Variants in PCDHGA6 observed in about 807,000 individuals in gnomAD.
PCDHGA6 encodes the protein protocadherin gamma-A6.
PCDHGA6 carries 41 observed loss-of-function variants against 60.6 expected under a neutral mutation model. That is an observed-to-expected ratio of 0.68 (90% CI 0.53 to 0.88). PCDHGA6 has a LOEUF of 0.88. PCDHGA6 is among the 40% of genes least tolerant of loss of function. The probability of loss-of-function intolerance (pLI) is 0.00; values close to 1 mark genes in which losing one functional copy is unlikely to be tolerated. For missense variants in PCDHGA6, 1,312 were observed against 1,203.0 expected (o/e 1.09, Z -1.34); for synonymous variants, 594 against 524.4 (o/e 1.13, Z -1.81).
intron 3 of PCDHGA6, 134 bp downstream of exon 3, chr5:141,505,615 C>T: frequency 2.0e-6 from 3 of 1,504,946 alleles, no homozygotes; most frequent in Non-Finnish European, 1.8e-6. Flanking sequence ...TCTGAAAGGA[C>T]CCACAATTCC....
chr5:141,500,277 C>T (rs1595660442), intron 2 of PCDHGA6, among the ~76,000 whole-genome samples: 1 of 151,718 alleles, frequency 6.6e-6, no homozygotes, highest in Non-Finnish European at 1.5e-5. Context: ...GGCGCAATCT[C>T]GGCTCACTGC....
intron 1 of PCDHGA6, among the ~76,000 whole-genome samples, chr5:141,458,112 A>C (rs2098937913): frequency 6.6e-6 from 1 of 152,208 alleles, no homozygotes; most frequent in Non-Finnish European, 1.5e-5. Context: ...ATAGTCTCCA[A>C]ATTTTAGAGG....
intron 1 of PCDHGA6, chr5:141,389,158 G>A (rs774342496): frequency 5.0e-6 from 8 of 1,613,850 alleles, no homozygotes; most frequent in African/African-American, 2.7e-5. Context: ...GCAACAGATC[G>A]GGGCAAGCCT....
At chr5:141,383,932 C>G in intron 1 of PCDHGA6, 3 of 1,613,794 alleles carry the variant, frequency 1.9e-6, no homozygotes, top group Non-Finnish European at 2.5e-6. Flanking sequence ...TGATAATGCT[C>G]CAGAAGTGAC....
In PCDHGA6 at chr5:141,374,957, TTC is replaced by T. The variant is rs1770979960; in HGVS notation, c.876_877del (p.Phe292LeufsTer18). On this transcript the variant is annotated frameshift_variant, in exon 1 of 4. Coordinates refer to ENST00000517434, the MANE Select transcript of PCDHGA6 (RefSeq NM_018919.3). LOFTEE classifies it high-confidence loss of function. Reference sequence around the variant, plus strand: ...GATTACAGAAAAGATCTCACAAATTTTCTGTTTGAATGTTTTGACTGGAGAAA... The same window carrying T: ...GATTACAGAAAAGATCTCACAAATTTTGTTTGAATGTTTTGACTGGAGAAA... ...VKITEKISQI[F>X]CLNVLTGEIS... The T allele has an allele frequency of 6.2e-7, 1 of 1,613,926 alleles. No homozygotes were observed. Among genetic ancestry groups the T allele is most frequent in the Non-Finnish European group, 8.5e-7 (1 of 1,179,908 alleles).
At chr5:141,393,337 A>G (rs556749112) in intron 1 of PCDHGA6, 28 of 1,613,772 alleles carry the variant, frequency 1.7e-5, no homozygotes, top group African/African-American at 5.3e-5. Flanking sequence ...CTCAGCCCCA[A>G]TCACCACTTC....
chr5:141,418,694 TATTCC>T, intron 1 of PCDHGA6: 2 of 1,614,044 alleles, frequency 1.2e-6, no homozygotes, highest in Non-Finnish European at 1.7e-6. Flanking sequence ...AGAGATCACT[TATTCC>T]TTCTTTGGTG....
At chr5:141,419,797 A>G (rs371201079) in intron 1 of PCDHGA6, 14 of 1,613,920 alleles carry the variant, frequency 8.7e-6, no homozygotes, top group Non-Finnish European at 1.1e-5. Flanking sequence ...TAGTCGCTGT[A>G]AGAGATGGAG....
chr5:141,460,848 C>T lies in PCDHGA6; in HGVS notation c.2425-33959C>T, dbSNP rs528601988. Among the ~76,000 whole-genome samples, 257 of 150,340 alleles carry T rather than the reference C, an allele frequency of 1.7e-3. 1 individual carries two copies. The highest frequency in any genetic ancestry group is 4.2e-3 in the Admixed American group (62 of 14,868). ...ACACTTAAAGTAATGGCCTCCAGTT[C>T]GATCCAAGTTGCTGCAAAGGACATT... is the stretch of plus-strand genomic sequence containing the variant. On this transcript the variant is annotated intron_variant, in intron 1 of 3. Transcript: ENST00000517434.
At chr5:141,510,658 A>G (rs1162885805) in intron 3 of PCDHGA6, among the ~76,000 whole-genome samples, 1 of 152,178 alleles carries the variant, frequency 6.6e-6, no homozygotes, top group African/African-American at 2.4e-5. Context: ...CATTTTGCAG[A>G]TGAGAAAACT....
Position 141,496,888 on chromosome 5 carries a change from TA to T in PCDHGA6, c.2483+2038del, listed in dbSNP as rs35063790. 4.6e-3 allele frequency among the ~76,000 whole-genome samples: 621 copies of T among 133,932 alleles called. 1 individual carries two copies. Among genetic ancestry groups the T allele is most frequent in the Middle Eastern group, 0.011 (3 of 270 alleles). 87.9% of individuals were successfully genotyped at this position (133,932 alleles called of 152,430 possible). ...CTGAAAATTTGCAACAAGTAACACT[TA>T]AAAAAAAAAAAAAAGGCTGGGCACT... On this transcript the variant is annotated intron_variant, in intron 2 of 3. Coordinates refer to ENST00000517434, the MANE Select transcript of PCDHGA6 (RefSeq NM_018919.3).
At chr5:141,408,857 G>A (rs372861749) in intron 1 of PCDHGA6, 4 of 1,613,542 alleles carry the variant, frequency 2.5e-6, no homozygotes, top group Non-Finnish European at 3.4e-6. Flanking sequence ...GGACGGAGGG[G>A]ACCCACCAAG....
In PCDHGA6 at chr5:141,375,006, A is replaced by G. The variant is rs774947515; in HGVS notation, c.923A>G (p.Asp308Gly). 25 of 1,613,884 alleles carry G rather than the reference A, an allele frequency of 1.5e-5. No homozygotes were observed. Among genetic ancestry groups the G allele is most frequent in the Non-Finnish European group, 1.8e-5 (21 of 1,179,900 alleles). ...TGEISTSANL[D>G]YEDSSFYELG... ...GAAATTTCAACTTCTGCAAATCTAG[A>G]CTATGAGGACTCGAGTTTTTATGAG... Residue 308 changes from aspartate to glycine, a missense_variant, in exon 1 of 4, where the codon GAC becomes GGC. Asp to Gly is a moderately conservative substitution (Grantham distance 94). Transcript: ENST00000517434.
intron 1 of PCDHGA6, chr5:141,412,426 A>G (rs1051574976): frequency 2.6e-5 from 4 of 152,234 alleles, no homozygotes; most frequent in African/African-American, 9.6e-5. Context: ...GTTTTACACA[A>G]AAAGGTTAAT....
At chr5:141,452,839 C>A (rs939513310) in intron 1 of PCDHGA6, among the ~76,000 whole-genome samples, 2 of 152,092 alleles carry the variant, frequency 1.3e-5, no homozygotes, top group Non-Finnish European at 2.9e-5. Flanking sequence ...TTGGTCCAGC[C>A]CACACTCTGG....
intron 1 of PCDHGA6, among the ~76,000 whole-genome samples, chr5:141,458,063 G>A (rs1011861177): frequency 1.3e-5 from 2 of 152,190 alleles, no homozygotes; most frequent in African/African-American, 4.8e-5. Context: ...CTGCACTGAT[G>A]CGAACAACTA....
intron 1 of PCDHGA6, chr5:141,430,753 G>C (rs1175014357): frequency 6.6e-7 from 1 of 1,504,258 alleles, no homozygotes. Context: ...TCTGGAGGAA[G>C]ATAAGAATGA....
intron 1 of PCDHGA6, among the ~76,000 whole-genome samples, chr5:141,492,631 A>G (rs1203365582): frequency 6.6e-6 from 1 of 152,184 alleles, no homozygotes; most frequent in Non-Finnish European, 1.5e-5. Flanking sequence ...GCAGGACTCT[A>G]CGATCCTTGG....
intron 1 of PCDHGA6, among the ~76,000 whole-genome samples, chr5:141,481,749 C>T (rs958851030): frequency 6.6e-6 from 1 of 151,976 alleles, no homozygotes; most frequent in Non-Finnish European, 1.5e-5. Context: ...GTCAGGAGTC[C>T]AAGACCAGCC....
Sources: allele counts gnomAD v4.1 joint callset (sites outside exome capture counted in the v4.1 genomes callset), GRCh38; gene constraint gnomAD v4.1.1; transcripts MANE v1.5; gene names NCBI Gene and HGNC (gene_info 2026-07-23, HGNC 2026-07-21).